INPP5D: variants seen among roughly 807,000 people sequenced by gnomAD.
The protein encoded by INPP5D is phosphatidylinositol 3,4,5-trisphosphate 5-phosphatase 1.
A neutral mutation model predicts 122.9 loss-of-function variants in INPP5D; 33 were observed. The observed-to-expected ratio is 0.27, with a 90% CI of 0.20 to 0.36. The LOEUF is 0.36. Ranked by LOEUF, INPP5D falls within the 10% of genes least tolerant of loss-of-function variation. INPP5D has a pLI of 1.00. For synonymous variants in INPP5D, 584 were observed against 576.2 expected (o/e 1.01, Z -0.19); for missense variants, 1,053 against 1,412.7 (o/e 0.75, Z 4.08).
intron 5 of INPP5D, among the ~76,000 whole-genome samples, chr2:233,132,123 G>T (rs1398781367): frequency 1.3e-5 from 2 of 152,136 alleles, no homozygotes; most frequent in Non-Finnish European, 2.9e-5. Context: ...TGATGCTGTT[G>T]TTATGAATCA....
intron 13 of INPP5D, among the ~76,000 whole-genome samples, chr2:233,166,456 A>C (rs1694342997): frequency 6.6e-6 from 1 of 152,180 alleles, no homozygotes; most frequent in African/African-American, 2.4e-5. Context: ...GCGTGGGCAG[A>C]GAGCAGAGGT....
intron 2 of INPP5D, among the ~76,000 whole-genome samples, chr2:233,121,732 GC>G (rs1481219301): frequency 2.6e-5 from 4 of 151,730 alleles, no homozygotes; most frequent in African/African-American, 9.7e-5. Flanking sequence ...CATCGTGTTG[GC>G]CAGGCTGGTC....
chr2:233,140,403 A>G (rs1260005744), intron 6 of INPP5D: 1 of 152,282 alleles, frequency 6.6e-6, no homozygotes, highest in African/African-American at 2.4e-5. Flanking sequence ...GGTGTCATCA[A>G]TAAAGTTTTA....
At chr2:233,080,204 A>G (rs1691637649) in intron 2 of INPP5D, among the ~76,000 whole-genome samples, 1 of 152,186 alleles carries the variant, frequency 6.6e-6, no homozygotes. Context: ...TTCTGGGATT[A>G]TAGGCATGAG....
rs752592194 is a variant in INPP5D at position 233,172,435 on chromosome 2, G to A, written c.1989+1283G>A. The stretch of plus-strand genomic sequence containing the variant: ...CGGCAGGGGCATCGGTGAGGAGGCC[G>A]TTGTGCACATTCAGCTGAGCAACAG... On this transcript the variant is annotated intron_variant, in intron 17 of 26. Transcript: ENST00000445964. 5.2e-4 allele frequency among the ~76,000 whole-genome samples: 79 copies of A among 152,230 alleles called. 1 individual carries two copies. Among genetic ancestry groups the A allele is most frequent in the Admixed American group, 2.6e-4 (4 of 15,292 alleles).
At chr2:233,066,435 G>T (rs574073232) in intron 1 of INPP5D, among the ~76,000 whole-genome samples, 1 of 152,292 alleles carries the variant, frequency 6.6e-6, no homozygotes, top group African/African-American at 2.4e-5. Flanking sequence ...AAGGCTCTGT[G>T]GTCTGCTGGC....
At chr2:233,171,231 G>T in intron 17 of INPP5D, 79 bp downstream of exon 17, 1 of 1,544,004 alleles carries the variant, frequency 6.5e-7, no homozygotes, top group Non-Finnish European at 8.7e-7. Flanking sequence ...TGAACAGAAA[G>T]TGTCTTCATC....
intron 2 of INPP5D, among the ~76,000 whole-genome samples, chr2:233,087,394 T>G (rs1050371607): frequency 6.6e-6 from 1 of 152,168 alleles, no homozygotes; most frequent in African/African-American, 2.4e-5. Context: ...CAATCTCGGC[T>G]CAGCTCACTG....
chr2:233,124,287 G>T (rs951826136), intron 3 of INPP5D, among the ~76,000 whole-genome samples: 3 of 152,122 alleles, frequency 2.0e-5, no homozygotes, highest in Non-Finnish European at 2.9e-5. Context: ...CCCTTGCCTG[G>T]CTCCTGCCTG....
chr2:233,136,488 A>G (rs1693469004), intron 5 of INPP5D, among the ~76,000 whole-genome samples: 1 of 151,828 alleles, frequency 6.6e-6, no homozygotes, highest in Non-Finnish European at 1.5e-5. Flanking sequence ...AAAAAAAAAA[A>G]GGAAATAGAA....
rs140392015 is a variant in INPP5D, at chr2:233,129,884, TTGTGTGTGTG to T, written c.525-599_525-590del. On this transcript the variant is annotated intron_variant, in intron 4 of 26. Transcript: ENST00000445964. ...ACTTTCCAAAGCTTTTGGCCTCCTT[TTGTGTGTGTG>T]TGTGTGTGTGTGTGTGTGTGTGTGA... Among the ~76,000 whole-genome samples the T allele has an allele frequency of 2.5e-3, 378 of 149,830 alleles. 1 individual carries two copies. Among genetic ancestry groups the T allele is most frequent in the African/African-American group, 6.7e-3 (272 of 40,628 alleles).
chr2:233,146,026 GA>G, intron 6 of INPP5D, 135 bp from the exon 7 acceptor site: 1 of 703,030 alleles, frequency 1.4e-6, no homozygotes, highest in Non-Finnish European at 2.6e-6. Flanking sequence ...TCATCTGCCA[GA>G]AGGGGATAAT....
chr2:233,175,994 A>C (rs1478464335), intron 17 of INPP5D, among the ~76,000 whole-genome samples: 1 of 152,230 alleles, frequency 6.6e-6, no homozygotes, highest in Non-Finnish European at 1.5e-5. Context: ...AAAATAGAAC[A>C]TTCTTGAAAG....
intron 9 of INPP5D, among the ~76,000 whole-genome samples, chr2:233,157,041 C>T (rs1694072768): frequency 6.6e-6 from 1 of 152,168 alleles, no homozygotes; most frequent in South Asian, 2.1e-4. Flanking sequence ...GAACAAGGTT[C>T]CAGAGTCCGG....
chr2:233,200,150 G>A (rs1232222545), intron 25 of INPP5D, among the ~76,000 whole-genome samples: 1 of 152,230 alleles, frequency 6.6e-6, no homozygotes. Context: ...AACTGGTTCA[G>A]GCAGAAGAAT....
At chr2:233,169,622 C>T (rs1030025148) in intron 14 of INPP5D, 9 of 690,764 alleles carry the variant, frequency 1.3e-5, no homozygotes, top group Non-Finnish European at 2.1e-5. Flanking sequence ...AAGATATTTC[C>T]TTGTGTCATT....
intron 2 of INPP5D, among the ~76,000 whole-genome samples, chr2:233,106,963 A>C (rs186558398): frequency 6.6e-6 from 1 of 152,284 alleles, no homozygotes; most frequent in Non-Finnish European, 1.5e-5. Context: ...AGCTCCTTTG[A>C]TGTGAGGGGT....
intron 2 of INPP5D, among the ~76,000 whole-genome samples, chr2:233,116,131 G>A (rs2106248700): frequency 6.6e-6 from 1 of 151,998 alleles, no homozygotes; most frequent in African/African-American, 2.4e-5. Context: ...TCTTGGCTGT[G>A]AGCACAAATT....
In INPP5D at chr2:233,105,342, G is replaced by T. The variant is rs1400910595; in HGVS notation, c.199-16765G>T. ...AGTGCCGCTCCCTTCGCCCGCCAGG[G>T]TGCTCCCTGTCTCTTTGCCCCACCA... On this transcript the variant is annotated intron_variant, in intron 2 of 26. Transcript: ENST00000445964. The surrounding 1 kb of genome is among the most constrained non-coding windows in gnomAD (Gnocchi z 4.0). Among the ~76,000 whole-genome samples, 2 of 152,276 alleles carry T rather than the reference G, an allele frequency of 1.3e-5. No homozygotes were observed. Among genetic ancestry groups the T allele is most frequent in the Non-Finnish European group, 1.5e-5 (1 of 68,032 alleles).
Sources: gnomAD v4.1 joint callset for allele counts (sites outside exome capture counted in the v4.1 genomes callset) on GRCh38, gnomAD v4.1.1 for gene constraint, Gnocchi (gnomAD v3.1) non-coding constraint, MANE v1.5 for transcripts, NCBI Gene and HGNC (gene_info 2026-07-23, HGNC 2026-07-21) for gene names.